The following NUP210L variants were observed in gnomAD, a reference collection of about 807,000 sequenced individuals.
NUP210L encodes nucleoporin 210 like.
A neutral mutation model predicts 208.5 loss-of-function variants in NUP210L; 74 were observed. The observed-to-expected ratio is 0.35, with a 90% CI of 0.29 to 0.43. The LOEUF (loss-of-function observed/expected upper bound fraction) is 0.43. NUP210L is among the 20% of genes least tolerant of loss of function. NUP210L has a pLI of 1.00. For missense variants in NUP210L, 1,843 were observed against 2,289.4 expected (o/e 0.81, Z 3.98); for synonymous variants, 780 against 816.9 (o/e 0.95, Z 0.77).
Position 154,046,337 on chromosome 1 carries a change from C to T in NUP210L, c.3516G>A (p.Arg1172=), listed in dbSNP as rs370524608. The change falls in exon 26 of 40, where the codon AGG becomes AGA. Residue 1172 remains arginine, a synonymous_variant. Coordinates refer to ENST00000368559, the Ensembl canonical transcript of NUP210L. Reference sequence around the variant, plus strand: ...TTGCAGCTGCAAGGATCCTAACAGCCCTTAGCTGAACAACTTCAATCTGTA... The same window carrying T: ...TTGCAGCTGCAAGGATCCTAACAGCTCTTAGCTGAACAACTTCAATCTGTA... The T allele has an allele frequency of 4.6e-5, 74 of 1,613,962 alleles. 1 individual carries two copies. Among genetic ancestry groups the T allele is most frequent in the Non-Finnish European group, 5.5e-5 (65 of 1,180,014 alleles).
intron 12 of NUP210L, among the ~76,000 whole-genome samples, chr1:154,114,098 G>A (rs1023221837): frequency 3.4e-4 from 50 of 148,436 alleles, no homozygotes; most frequent in Admixed American, 2.6e-3. Flanking sequence ...AGCCAAGATC[G>A]CACCACTGCA....
chr1:154,066,892 G>A (rs1223058884), intron 17 of NUP210L, among the ~76,000 whole-genome samples: 1 of 152,100 alleles, frequency 6.6e-6, no homozygotes. Context: ...ACTAAACCAG[G>A]AAGAAGCTGA....
chr1:154,095,131 A>G (rs1198342490), exon 15 of NUP210L: 1 of 1,613,830 alleles, frequency 6.2e-7, no homozygotes, highest in South Asian at 1.1e-5. Context: ...CCATGTCACC[A>G]ATGCCACTTC....
chr1:154,001,480 G>C (rs902877139), intron 36 of NUP210L, among the ~76,000 whole-genome samples: 4 of 152,158 alleles, frequency 2.6e-5, no homozygotes, highest in African/African-American at 9.7e-5. Context: ...ACAGGCATGA[G>C]CCACCGCGCT....
intron 35 of NUP210L, among the ~76,000 whole-genome samples, chr1:154,009,406 G>C (rs1295972426): frequency 1.3e-5 from 2 of 152,048 alleles, no homozygotes; most frequent in Non-Finnish European, 1.5e-5. Context: ...ACAATGCAGA[G>C]CCTCACAGAG....
chr1:154,080,995 A>G (rs565897415), intron 16 of NUP210L, among the ~76,000 whole-genome samples: 3 of 150,198 alleles, frequency 2.0e-5, no homozygotes, highest in Non-Finnish European at 4.5e-5. Context: ...AAAAGAAAAG[A>G]AAAAAAAAGA....
intron 13 of NUP210L, among the ~76,000 whole-genome samples, chr1:154,100,516 T>C (rs1388986984): frequency 0.012 from 6 of 488 alleles, no homozygotes; most frequent in African/African-American, 0.015. Flanking sequence ...TTTGGCTTTG[T>C]TTTTTTTTTT....
chr1:154,128,221 C>T (rs914984172), intron 8 of NUP210L, among the ~76,000 whole-genome samples: 1 of 152,146 alleles, frequency 6.6e-6, no homozygotes, highest in African/African-American at 2.4e-5. Flanking sequence ...CCTGGTGGCT[C>T]ATGCCTATAA....
intron 25 of NUP210L, among the ~76,000 whole-genome samples, chr1:154,053,842 T>C (rs1421519904): frequency 2.6e-5 from 4 of 152,202 alleles, no homozygotes; most frequent in Admixed American, 2.6e-4. Context: ...ACTCTATATT[T>C]CTGTGTGTGG....
chr1:154,009,854 G>T, intron 35 of NUP210L, 118 bp downstream of exon 35: 35 of 674,302 alleles, frequency 5.2e-5, no homozygotes, highest in South Asian at 7.4e-5. Flanking sequence ...GCCTGACAAA[G>T]ATTCCACAGT....
intron 13 of NUP210L, among the ~76,000 whole-genome samples, chr1:154,101,172 CAAA>C (rs35540425): frequency 2.9e-5 from 3 of 104,746 alleles, no homozygotes; most frequent in Admixed American, 1.1e-4. Flanking sequence ...AACTCTGTCT[CAAA>C]AAAAAAAAAA....
At position 154,020,631 on chromosome 1, in the gene NUP210L, A is replaced by G. The variant is rs1173297359; in HGVS notation, c.4516+1495T>C. On this transcript the variant is annotated intron_variant, in intron 32 of 39. Coordinates refer to ENST00000368559, the Ensembl canonical transcript of NUP210L. ...AACCTGTGCCTCCTGGGTTCAAGCAATTCTCCTGCCTTGGCCTCCCAAGTA... is the reference window on the plus strand; with the variant it reads ...AACCTGTGCCTCCTGGGTTCAAGCAGTTCTCCTGCCTTGGCCTCCCAAGTA... Among the ~76,000 whole-genome samples the G allele has an allele frequency of 2.6e-5, 4 of 152,112 alleles. No homozygotes were observed. In the East Asian group the frequency reaches 5.8e-4, roughly 22 times the overall value.
chr1:154,029,621 T>C (rs1157817121), intron 28 of NUP210L, among the ~76,000 whole-genome samples: 1 of 151,550 alleles, frequency 6.6e-6, no homozygotes, highest in Non-Finnish European at 1.5e-5. Flanking sequence ...ACGCAGGAGA[T>C]GGAGGTTGTG....
At chr1:154,142,876 G>A (rs554643751) in intron 3 of NUP210L, among the ~76,000 whole-genome samples, 24 of 144,954 alleles carry the variant, frequency 1.7e-4, no homozygotes, top group African/African-American at 3.8e-4. Flanking sequence ...GCAACAGAGC[G>A]AGACTCCATC....
At chr1:154,023,333 T>G (rs1401262206) in intron 30 of NUP210L, 36 bp from the exon 31 acceptor site, 1 of 1,537,384 alleles carries the variant, frequency 6.5e-7, no homozygotes, top group South Asian at 1.2e-5. Context: ...CAGAGAAAGA[T>G]GCACTGGAGA....
intron 33 of NUP210L, among the ~76,000 whole-genome samples, chr1:154,014,894 C>A (rs1220628157): frequency 1.3e-5 from 2 of 152,098 alleles, no homozygotes; most frequent in Non-Finnish European, 2.9e-5. Flanking sequence ...GTCCTAGCTA[C>A]TTGGGAGGCT....
chr1:153,995,965 T>A, intron 37 of NUP210L: 1 of 426,510 alleles, frequency 2.3e-6, no homozygotes, highest in Non-Finnish European at 4.5e-6. Context: ...AAATAAAAAA[T>A]GAAACTTTTG....
chr1:154,078,520 G>A (rs958371187), intron 16 of NUP210L, among the ~76,000 whole-genome samples: 1 of 151,714 alleles, frequency 6.6e-6, no homozygotes, highest in Non-Finnish European at 1.5e-5. Context: ...ACTTGAGCCT[G>A]GGAGGCAGAG....
At chr1:154,065,086 T>TA (rs566900009) in intron 17 of NUP210L, among the ~76,000 whole-genome samples, 25 of 134,618 alleles carry the variant, frequency 1.9e-4, no homozygotes, top group Non-Finnish European at 2.4e-4. Context: ...AGTAAATAAA[T>TA]AAATAAAATA....
Sources: allele counts gnomAD v4.1 joint callset (sites outside exome capture counted in the v4.1 genomes callset), GRCh38; gene constraint gnomAD v4.1.1; transcripts MANE v1.5; gene names NCBI Gene and HGNC (gene_info 2026-07-23, HGNC 2026-07-21).